The following DNAI3 variants were observed in gnomAD, a reference collection of about 807,000 sequenced individuals.
DNAI3 encodes the protein WD repeat domain 63.
Under a neutral mutation model 115.5 loss-of-function variants are expected in DNAI3, and 83 were observed. That is an observed-to-expected ratio of 0.72 (90% CI 0.60 to 0.86). DNAI3 has a LOEUF of 0.86. Ranked by LOEUF, DNAI3 falls within the 40% of genes least tolerant of loss-of-function variation. The pLI, the probability that DNAI3 is intolerant of heterozygous loss-of-function variation, is 0.00. For synonymous variants in DNAI3, 320 were observed against 347.0 expected (o/e 0.92, Z 0.86); for missense variants, 1,004 against 1,075.8 (o/e 0.93, Z 0.93).
chr1:85,094,096 G>A, intron 9 of DNAI3: 1 of 407,070 alleles, frequency 2.5e-6, no homozygotes, highest in Admixed American at 3.5e-5. Flanking sequence ...AAAGAGAGAG[G>A]TATTTGTCCT....
At chr1:85,088,641 T>C (rs539457017) in intron 7 of DNAI3, among the ~76,000 whole-genome samples, 2 of 152,154 alleles carry the variant, frequency 1.3e-5, no homozygotes, top group Non-Finnish European at 2.9e-5. Context: ...GTAGGCACTA[T>C]CCCCATTTTA....
intron 13 of DNAI3, among the ~76,000 whole-genome samples, chr1:85,102,758 T>C (rs1468744732): frequency 6.6e-6 from 1 of 152,164 alleles, no homozygotes; most frequent in Non-Finnish European, 1.5e-5. Context: ...AGATACAAAA[T>C]TATATGCATA....
intron 16 of DNAI3, among the ~76,000 whole-genome samples, chr1:85,111,136 A>G (rs939926353): frequency 2.7e-4 from 41 of 152,380 alleles, no homozygotes; most frequent in Non-Finnish European, 2.2e-4. Flanking sequence ...GTTAAATGAT[A>G]GAATATCTAA....
In DNAI3 at chr1:85,073,087, G is replaced by C. The variant is rs1364865885; in HGVS notation, c.98G>C (p.Ser33Thr). Residue 33 changes from serine (S) to threonine (T), a missense_variant, in exon 3 of 23, where the codon AGC becomes ACC. Ser to Thr is a moderately conservative substitution (Grantham distance 58). Transcript: ENST00000294664. ...GACATGGAACCAGTAAATATGGAGAGCATGGGTAAGTGGAAATATAATTTA... is the reference window on the plus strand; with the variant it reads ...GACATGGAACCAGTAAATATGGAGACCATGGGTAAGTGGAAATATAATTTA... ...SEDMEPVNME[S>T]MGHPEIYPLV... 6.5e-7 allele frequency: 1 copy of C among 1,542,948 alleles called. No homozygotes were observed.
intron 1 of DNAI3, among the ~76,000 whole-genome samples, chr1:85,069,556 GT>G (rs558360482): frequency 5.3e-4 from 81 of 152,004 alleles, no homozygotes; most frequent in Non-Finnish European, 1.0e-3. Flanking sequence ...TGTGCGTGGG[GT>G]GAGGCTAAGT....
chr1:85,081,720 G>A lies in DNAI3; in HGVS notation c.285+305G>A, dbSNP rs190064667. 2.4e-3 allele frequency among the ~76,000 whole-genome samples: 367 copies of A among 152,166 alleles called. 16 individuals carry two copies. The East Asian group carries it at 0.057, about 24-fold the overall frequency. ...CCCAGGCTAGAGACGCAATCATGGC[G>A]CACTGCAACCTCCGCCTCCCAGGTT... is the stretch of plus-strand genomic sequence containing the variant. On this transcript the variant is annotated intron_variant, in intron 4 of 22. Coordinates refer to ENST00000294664, the MANE Select transcript of DNAI3 (RefSeq NM_145172.5).
chr1:85,108,093 A>T lies in DNAI3; in HGVS notation c.1614A>T (p.Lys538Asn). ...CTTTAACCCCCCAAACAACAGAGAA[A>T]AAGAAGGAGGAAAGTATTGAAATTC... Reference protein sequence around the residue: ...QKPLTPQTTEKKKEESIEIPF... With the variant: ...QKPLTPQTTENKKEESIEIPF... The change falls in exon 15 of 23, where the codon AAA becomes AAT. Residue 538 changes from lysine (K) to asparagine (N), a missense_variant. Lys to Asn is a moderately conservative substitution (Grantham distance 94, BLOSUM62 0). Transcript: ENST00000294664. 6.2e-7 allele frequency: 1 copy of T among 1,610,546 alleles called. No homozygotes were observed. Among genetic ancestry groups the T allele is most frequent in the Non-Finnish European group, 8.5e-7 (1 of 1,178,502 alleles).
At chr1:85,099,448 T>G (rs1033523391) in intron 13 of DNAI3, 1 of 169,788 alleles carries the variant, frequency 5.9e-6, no homozygotes, top group Non-Finnish European at 1.2e-5. Context: ...CAAGGAGAAC[T>G]ACAAACCACT....
chr1:85,082,453 T>C, intron 5 of DNAI3, 49 bp downstream of exon 5: 2 of 1,487,590 alleles, frequency 1.3e-6, no homozygotes, highest in Non-Finnish European at 1.9e-6. Context: ...GTTGTGGTTG[T>C]GGTTGTTTTT....
At chr1:85,086,110 C>T (rs1654794237) in intron 7 of DNAI3, 80 bp downstream of exon 7, 1 of 1,311,806 alleles carries the variant, frequency 7.6e-7, no homozygotes, top group South Asian at 1.4e-5. Flanking sequence ...TTTGAGAGCT[C>T]TTTATAATAA....
intron 14 of DNAI3, among the ~76,000 whole-genome samples, chr1:85,106,844 C>T (rs571768989): frequency 5.6e-4 from 86 of 152,220 alleles, no homozygotes; most frequent in Admixed American, 1.2e-3. Flanking sequence ...CAAAATATAA[C>T]GTTGGATTCC....
Position 85,085,927 on chromosome 1 carries a change from T to G in DNAI3, c.637T>G (p.Cys213Gly). Residue 213 changes from cysteine to glycine, a missense_variant, in exon 7 of 23, where the codon TGT (cysteine) becomes GGT (glycine). Around this residue, in one of 3 missense-constraint regions of DNAI3, gnomAD observed 550 missense variants for 568.1 expected, o/e 0.97. Coordinates refer to ENST00000294664, the MANE Select transcript of DNAI3 (RefSeq NM_145172.5). ...ASSVKDAYIECTAYPDKNFTL... is the reference protein window; with the variant it reads ...ASSVKDAYIEGTAYPDKNFTL... ...CAGTGTAAAAGATGCCTATATTGAA[T>G]GTACAGCCTACCCAGATAAAAATTT... The G allele has an allele frequency of 3.1e-6, 5 of 1,614,202 alleles. No individual in the cohort carries two copies. The highest frequency in any genetic ancestry group is 4.2e-6 in the Non-Finnish European group (5 of 1,180,018).
At chr1:85,087,361 G>A (rs928658241) in intron 7 of DNAI3, among the ~76,000 whole-genome samples, 18 of 147,580 alleles carry the variant, frequency 1.2e-4, no homozygotes, top group African/African-American at 2.3e-4. Flanking sequence ...GCTTGAACCC[G>A]CGAGGTAGAG....
chr1:85,069,498 G>C (rs935432172), intron 1 of DNAI3, among the ~76,000 whole-genome samples: 2 of 152,158 alleles, frequency 1.3e-5, no homozygotes, highest in African/African-American at 4.8e-5. Flanking sequence ...GTGCAGCATA[G>C]TCACTCAATA....
intron 13 of DNAI3, among the ~76,000 whole-genome samples, chr1:85,099,685 C>T (rs1019934518): frequency 1.3e-5 from 2 of 152,210 alleles, no homozygotes; most frequent in Non-Finnish European, 2.9e-5. Context: ...GCCAAAAGAA[C>T]AAAGCCGGAG....
At position 85,072,694 on chromosome 1, in the gene DNAI3, G is replaced by A. The variant is rs532315816; in HGVS notation, c.65-360G>A. ...AGATTGGCCGGGCACAGTGGCTCAC[G>A]CCTGTAATCCCAGCACTTTGGGAGG... On this transcript the variant is annotated intron_variant, in intron 2 of 22. Coordinates refer to ENST00000294664, the MANE Select transcript of DNAI3 (RefSeq NM_145172.5). Among the ~76,000 whole-genome samples the A allele has an allele frequency of 6.4e-4, 95 of 149,604 alleles. 1 individual carries two copies. Among genetic ancestry groups the A allele is most frequent in the East Asian group, 2.4e-3 (12 of 5,102 alleles).
Position 85,094,521 on chromosome 1 carries a change from T to A in DNAI3, c.1139T>A (p.Leu380His). ...TTATTGCTGCAGCCATCACTGATTC[T>A]TTTCTGGAGCTTCTCTGATCCTATA... is the stretch of plus-strand genomic sequence containing the variant. ...GKLLLQPSLI[L>H]FWSFSDPIHP... The change falls in exon 10 of 23, where the codon CTT becomes CAT. Residue 380 changes from leucine (L) to histidine (H), a missense_variant. Physicochemically the swap from Leu to His is moderately conservative, Grantham distance 99 (BLOSUM62 -3). Coordinates refer to ENST00000294664, the MANE Select transcript of DNAI3 (RefSeq NM_145172.5). 1 of 1,614,192 alleles carries A rather than the reference T, an allele frequency of 6.2e-7. No individual in the cohort carries two copies. The highest frequency in any genetic ancestry group is 8.5e-7 in the Non-Finnish European group (1 of 1,180,020).
chr1:85,072,875 A>ATCCCAGT (rs1654325524), intron 2 of DNAI3, among the ~76,000 whole-genome samples, 179 bp from the exon 3 acceptor site: 1 of 147,578 alleles, frequency 6.8e-6, no homozygotes, highest in Non-Finnish European at 1.5e-5. Context: ...GAATGGCGTG[A>ATCCCAGT]ACCCAGGATG....
intron 7 of DNAI3, among the ~76,000 whole-genome samples, chr1:85,089,804 C>T (rs147254473): frequency 1.4e-4 from 21 of 152,056 alleles, no homozygotes; most frequent in African/African-American, 4.1e-4. Flanking sequence ...TAATAATTGA[C>T]GAATCTGGGT....
Sources: gnomAD v4.1 joint callset for allele counts (sites outside exome capture counted in the v4.1 genomes callset) on GRCh38, gnomAD v4.1.1 for gene constraint, gnomAD v4.1.1 regional missense constraint, MANE v1.5 for transcripts, NCBI Gene and HGNC (gene_info 2026-07-23, HGNC 2026-07-21) for gene names.